The following TRRAP variants were observed in gnomAD, a reference collection of about 807,000 sequenced individuals.
TRRAP encodes transformation/transcription domain-associated protein.
TRRAP carries 41 observed loss-of-function variants against 438.8 expected under a neutral mutation model. The ratio of observed to expected loss-of-function variants is 0.09; its 90% CI spans 0.07 to 0.12. The LOEUF is 0.12. Ranked by LOEUF, TRRAP falls within the 10% of genes least tolerant of loss-of-function variation. The pLI is 1.00. For missense variants in TRRAP, 3,122 were observed against 5,055.1 expected (o/e 0.62, Z 11.60); for synonymous variants, 1,994 against 1,962.9 (o/e 1.02, Z -0.42).
chr7:98,971,712 T>C, intron 52 of TRRAP, 87 bp from the exon 53 acceptor site: 1 of 1,496,684 alleles, frequency 6.7e-7, no homozygotes, highest in Middle Eastern at 1.8e-4. Flanking sequence ...TTACCAAAAT[T>C]GTAACAAGAA....
Position 98,948,511 on chromosome 7 carries a change from C to T in TRRAP, c.4669-55C>T. ...CAAGGGACCTTGTTAGGTAGACAGC[C>T]TCAAGCTCTGAGAAGAGGAAGTTGT... On this transcript the variant is annotated intron_variant, in intron 34 of 72. Coordinates refer to ENST00000456197, the MANE Select transcript of TRRAP (RefSeq NM_001375524.1). The surrounding 1 kb of genome is among the most constrained non-coding windows in gnomAD (Gnocchi z 4.9). 1 of 1,613,784 alleles carries T rather than the reference C, an allele frequency of 6.2e-7. No homozygotes were observed. The highest frequency in any genetic ancestry group is 8.5e-7 in the Non-Finnish European group (1 of 1,180,012).
chr7:98,978,882 C>T lies in TRRAP; in HGVS notation c.8612C>T (p.Ala2871Val). The T allele has an allele frequency of 6.2e-7, 1 of 1,614,106 alleles. No homozygotes were observed. Among genetic ancestry groups the T allele is most frequent in the Non-Finnish European group, 8.5e-7 (1 of 1,180,032 alleles). Residue 2871 changes from alanine to valine, a missense_variant, in exon 58 of 73, where the codon GCC becomes GTC. Ala to Val is a moderately conservative substitution (Grantham distance 64, BLOSUM62 0). This residue lies in a region of TRRAP where 992 missense variants were observed against 1,281.2 expected (regional missense o/e 0.77). Transcript: ENST00000456197. ...GCCTGGCGGGTGTCCAACTGGACTG[C>T]CATGAAGGAGGCGCTGGTGCAGGTG... ...ECAWRVSNWTAMKEALVQVEV... is the reference protein window; with the variant it reads ...ECAWRVSNWTVMKEALVQVEV...
intron 18 of TRRAP, among the ~76,000 whole-genome samples, chr7:98,913,717 A>G (rs1245862072): frequency 6.6e-6 from 1 of 152,206 alleles, no homozygotes; most frequent in Non-Finnish European, 1.5e-5. Context: ...CTTTATTAAG[A>G]ACATCTTAGA....
Position 99,004,387 on chromosome 7 carries a change from C to T in TRRAP, c.10507C>T (p.Pro3503Ser). ...TCCTGGGGAGTTTCTGATGCCAAAGCCAACGCATTATTACATCAAGATTGC... is the reference window on the plus strand; with the variant it reads ...TCCTGGGGAGTTTCTGATGCCAAAGTCAACGCATTATTACATCAAGATTGC... ...EIPGEFLMPKPTHYYIKIARF... is the reference protein window; with the variant it reads ...EIPGEFLMPKSTHYYIKIARF... The change falls in exon 68 of 73, where the codon CCA becomes TCA. Residue 3503 changes from proline (P) to serine (S), a missense_variant. Physicochemically the swap from Pro to Ser is moderately conservative, Grantham distance 74. Transcript: ENST00000456197. The T allele has an allele frequency of 3.1e-6, 5 of 1,614,120 alleles. No individual in the cohort carries two copies. The highest frequency in any genetic ancestry group is 4.2e-6 in the Non-Finnish European group (5 of 1,180,012).
chr7:98,904,566 C>A lies in TRRAP; in HGVS notation c.1036+1049C>A, dbSNP rs114735083. On this transcript the variant is annotated intron_variant, in intron 12 of 72. Transcript: ENST00000456197. ...CCGTTACTGTACAAGCTAGCCCCTT[C>A]TGAAGGCATAAAGCTTGGTTTTAAT... Among the ~76,000 whole-genome samples, 1,001 of 151,200 alleles carry A rather than the reference C, an allele frequency of 6.6e-3. 8 individuals carry two copies. Among genetic ancestry groups the A allele is most frequent in the African/African-American group, 0.024 (972 of 41,234 alleles).
chr7:98,996,457 G>A (rs1482720051), intron 67 of TRRAP, among the ~76,000 whole-genome samples: 1 of 152,242 alleles, frequency 6.6e-6, no homozygotes, highest in Non-Finnish European at 1.5e-5. Context: ...CATCTCTCAA[G>A]TGTCAGCACA....
intron 65 of TRRAP, 108 bp downstream of exon 65, chr7:98,992,335 T>C (rs993165072): frequency 4.3e-6 from 5 of 1,163,604 alleles, no homozygotes; most frequent in African/African-American, 1.5e-5. Context: ...AGCTCACTCA[T>C]AGCCGTGGCC....
At position 98,976,595 on chromosome 7, in the gene TRRAP, C is replaced by T; in HGVS notation, c.8072C>T (p.Pro2691Leu). ...CFVEAMSQCV[P>L]PIPIRPCVLK... ...GTGGAAGCCATGTCCCAGTGCGTGC[C>T]GCCAATCCCCATCCGACCCTGCGTC... Residue 2691 changes from proline (P) to leucine (L), a missense_variant, in exon 55 of 73, where the codon CCG becomes CTG. By Grantham distance (98) the Pro-to-Leu change is moderately conservative (BLOSUM62 -3). This residue lies in a region of TRRAP where 992 missense variants were observed against 1,281.2 expected (regional missense o/e 0.77). Coordinates refer to ENST00000456197, the MANE Select transcript of TRRAP (RefSeq NM_001375524.1). This position sits in a 1 kb window ranked among gnomAD's most constrained non-coding sequence, Gnocchi z 4.6. 1 of 1,614,162 alleles carries T rather than the reference C, an allele frequency of 6.2e-7. No individual in the cohort carries two copies. Among genetic ancestry groups the T allele is most frequent in the Middle Eastern group, 1.6e-4 (1 of 6,062 alleles).
intron 39 of TRRAP, among the ~76,000 whole-genome samples, chr7:98,952,409 A>G (rs150379254): frequency 6.6e-6 from 1 of 152,312 alleles, no homozygotes; most frequent in Non-Finnish European, 1.5e-5. Context: ...CTACTTGGAA[A>G]TTAAGAAACT....
At chr7:98,893,376 G>A (rs551894635) in intron 5 of TRRAP, among the ~76,000 whole-genome samples, 1 of 152,340 alleles carries the variant, frequency 6.6e-6, no homozygotes, top group South Asian at 2.1e-4. Flanking sequence ...TAACCCCTGA[G>A]ATATCATGCC....
At chr7:98,933,438 G>A in intron 27 of TRRAP, 36 bp downstream of exon 27, 1 of 1,592,246 alleles carries the variant, frequency 6.3e-7, no homozygotes, top group Non-Finnish European at 8.6e-7. Flanking sequence ...TGTGGATGGT[G>A]ATGACGTGTG....
At chr7:98,879,658 C>G (rs1281608739) in intron 1 of TRRAP, among the ~76,000 whole-genome samples, 1 of 152,124 alleles carries the variant, frequency 6.6e-6, no homozygotes, top group Non-Finnish European at 1.5e-5. Flanking sequence ...TGCCAGGTCC[C>G]CTAGCAGGGC....
intron 47 of TRRAP, among the ~76,000 whole-genome samples, chr7:98,964,039 C>A (rs1265445444): frequency 6.6e-6 from 1 of 150,546 alleles, no homozygotes; most frequent in Non-Finnish European, 1.5e-5. Flanking sequence ...CGAGATTACG[C>A]CACTGCACTC....
intron 17 of TRRAP, among the ~76,000 whole-genome samples, 179 bp from the exon 18 acceptor site, chr7:98,911,843 T>G (rs1261985306): frequency 6.6e-6 from 1 of 152,122 alleles, no homozygotes; most frequent in Non-Finnish European, 1.5e-5. Flanking sequence ...ATCATTGAAG[T>G]GAACTGCCCT....
intron 67 of TRRAP, among the ~76,000 whole-genome samples, chr7:98,997,663 T>C (rs1793733741): frequency 6.6e-6 from 1 of 151,946 alleles, no homozygotes; most frequent in Non-Finnish European, 1.5e-5. Flanking sequence ...GGCTTTCTCC[T>C]AGTCCAGCAG....
intron 49 of TRRAP, among the ~76,000 whole-genome samples, chr7:98,966,733 G>A (rs143295916): frequency 2.4e-4 from 36 of 151,886 alleles, no homozygotes; most frequent in African/African-American, 7.5e-4. Flanking sequence ...TTTTTATGGC[G>A]ATAAAGATAA....
In TRRAP at chr7:98,956,141, C is replaced by T. The variant is rs374638162; in HGVS notation, c.5938-5C>T. ...TCCGGCGTGATGCTGGCCCTGCGTC[C>T]GCAGGTGTACTACCCGGTACGGCAC... On this transcript the variant is annotated splice_polypyrimidine_tract_variant and splice_region_variant and intron_variant, in intron 41 of 72. Coordinates refer to ENST00000456197, the MANE Select transcript of TRRAP (RefSeq NM_001375524.1). The surrounding 1 kb of genome is among the most constrained non-coding windows in gnomAD (Gnocchi z 4.5). 20 of 1,608,462 alleles carry T rather than the reference C, an allele frequency of 1.2e-5. No homozygotes were observed. The highest frequency in any genetic ancestry group is 8.9e-5 in the East Asian group (4 of 44,796).
chr7:98,968,051 C>G (rs761152710), intron 51 of TRRAP, among the ~76,000 whole-genome samples: 1 of 151,194 alleles, frequency 6.6e-6, no homozygotes, highest in Non-Finnish European at 1.5e-5. Flanking sequence ...CAGAGTCCTG[C>G]TCTGTTGCCC....
rs555788476 is a variant in TRRAP, at chr7:98,988,672, C to T, written c.9390-93C>T. On this transcript the variant is annotated intron_variant, in intron 62 of 72. Transcript: ENST00000456197. ...AACATTGTGAATGGACCAAATGCCC[C>T]GCAGTGTTCATTTTATAATGGTTAA... 148 of 1,415,242 alleles carry T rather than the reference C, an allele frequency of 1.0e-4. 1 individual carries two copies. The South Asian group carries it at 1.6e-3, about 16-fold the overall frequency. 87.7% of individuals were successfully genotyped at this position (1,415,242 alleles called of 1,614,324 possible). A position where few individuals can be genotyped will look rare whatever the true frequency, so the allele number is the denominator to read the frequency against.
Sources: gnomAD v4.1 joint callset for allele counts (sites outside exome capture counted in the v4.1 genomes callset) on GRCh38, gnomAD v4.1.1 for gene constraint, gnomAD v4.1.1 regional missense constraint, Gnocchi (gnomAD v3.1) non-coding constraint, MANE v1.5 for transcripts, NCBI Gene and HGNC (gene_info 2026-07-23, HGNC 2026-07-21) for gene names.